The following ADAM9 variants were observed in gnomAD, a reference collection of about 807,000 sequenced individuals.
ADAM9 encodes ADAM metallopeptidase domain 9.
A neutral mutation model predicts 108.1 loss-of-function variants in ADAM9; 54 were observed. The observed-to-expected ratio is 0.50, with a 90% confidence interval of 0.40 to 0.63. The LOEUF is 0.63. ADAM9 is among the 20% of genes least tolerant of loss of function. ADAM9 has a pLI of 0.00. For missense variants in ADAM9, 830 were observed against 997.7 expected (o/e 0.83, Z 2.26); for synonymous variants, 316 against 336.0 (o/e 0.94, Z 0.65).
intron 4 of ADAM9, chr8:39,014,786 C>T (rs906035773): frequency 3.1e-5 from 14 of 451,924 alleles, no homozygotes; most frequent in Non-Finnish European, 5.1e-5. Context: ...GTTGGTAGCG[C>T]ACTTTTGCAG....
At chr8:39,089,905 G>C (rs369860300) in intron 18 of ADAM9, 142 bp from the exon 19 acceptor site, 2 of 917,164 alleles carry the variant, frequency 2.2e-6, no homozygotes, top group Non-Finnish European at 3.5e-6. Flanking sequence ...AATGAACTTT[G>C]TGGAAGACTT....
intron 16 of ADAM9, 130 bp downstream of exon 16, chr8:39,077,541 A>G (rs1838885984): frequency 1.1e-6 from 1 of 883,644 alleles, no homozygotes; most frequent in East Asian, 2.8e-5. Context: ...TAGAAAATAC[A>G]AAGCCACCAA....
At chr8:39,089,915 T>TC in intron 18 of ADAM9, 132 bp from the exon 19 acceptor site, 1 of 1,014,438 alleles carries the variant, frequency 9.9e-7, no homozygotes, top group Non-Finnish European at 1.5e-6. Flanking sequence ...GTGGAAGACT[T>TC]CTCAATATAT....
At chr8:39,043,212 TA>T (rs1247368141) in intron 12 of ADAM9, among the ~76,000 whole-genome samples, 1 of 152,242 alleles carries the variant, frequency 6.6e-6, no homozygotes, top group African/African-American at 2.4e-5. Flanking sequence ...ACATCTTGGC[TA>T]CTGTGAATAA....
intron 10 of ADAM9, 126 bp downstream of exon 10, chr8:39,026,010 A>G (rs1461576977): frequency 2.2e-6 from 2 of 921,318 alleles, no homozygotes; most frequent in Non-Finnish European, 3.5e-6. Context: ...ACACAGTAGA[A>G]GTCGCAGATG....
intron 7 of ADAM9, 129 bp downstream of exon 7, chr8:39,019,047 G>T: frequency 1.0e-6 from 1 of 974,558 alleles, no homozygotes; most frequent in Non-Finnish European, 1.6e-6. Context: ...AAACTAAAAT[G>T]GTTTTTTTCC....
intron 16 of ADAM9, among the ~76,000 whole-genome samples, chr8:39,078,050 C>A (rs934090880): frequency 6.6e-6 from 1 of 151,990 alleles, no homozygotes; most frequent in East Asian, 1.9e-4. Context: ...GTTGAAGAAA[C>A]CAACTCAGAG....
chr8:39,050,446 A>G (rs1020327573), intron 12 of ADAM9, among the ~76,000 whole-genome samples: 1 of 125,848 alleles, frequency 7.9e-6, no homozygotes, highest in Non-Finnish European at 1.6e-5. Flanking sequence ...TTCTTCACTT[A>G]TATTTCTTTT....
chr8:39,026,772 C>T lies in ADAM9; in HGVS notation c.1092C>T (p.Ser364=). 6.2e-7 allele frequency: 1 copy of T among 1,614,118 alleles called. No homozygotes were observed. The highest frequency in any genetic ancestry group is 1.3e-5 in the African/African-American group (1 of 75,028). Residue 364 remains serine, a synonymous_variant, in exon 11 of 22, where the codon TCC becomes TCT. Transcript: ENST00000487273. ...GMNHDDGRDC[S]CGAKSCIMNS... ...ATCACGATGATGGGAGAGATTGTTC[C>T]TGTGGAGCAAAGAGCTGCATCATGA...
intron 1 of ADAM9, among the ~76,000 whole-genome samples, chr8:39,001,966 C>A (rs1455051188): frequency 1.3e-5 from 2 of 150,062 alleles, no homozygotes; most frequent in Admixed American, 1.3e-4. Flanking sequence ...CCACGCCCAG[C>A]CCAAAGGTAG....
Position 39,048,009 on chromosome 8 carries a change from C to T in ADAM9, c.1302+5892C>T, listed in dbSNP as rs536650389. On this transcript the variant is annotated intron_variant, in intron 12 of 21. Transcript: ENST00000487273. Reference sequence around the variant, plus strand: ...AATCTTGGCTCATTGCAACCTCCACCTCCTGGTTTCTAGTGATTCTTGTGC... The same window carrying T: ...AATCTTGGCTCATTGCAACCTCCACTTCCTGGTTTCTAGTGATTCTTGTGC... 1.2e-3 allele frequency among the ~76,000 whole-genome samples: 179 copies of T among 151,948 alleles called. 1 individual carries two copies. Among genetic ancestry groups the T allele is most frequent in the African/African-American group, 3.9e-3 (162 of 41,400 alleles).
intron 15 of ADAM9, among the ~76,000 whole-genome samples, 183 bp downstream of exon 15, chr8:39,071,586 C>T (rs1462334422): frequency 1.3e-5 from 2 of 151,866 alleles, no homozygotes; most frequent in African/African-American, 4.8e-5. Flanking sequence ...CCTGCCTCAG[C>T]CTCCTGAGTA....
chr8:39,049,675 G>C (rs1837891591), intron 12 of ADAM9, among the ~76,000 whole-genome samples: 1 of 152,242 alleles, frequency 6.6e-6, no homozygotes, highest in East Asian at 1.9e-4. Flanking sequence ...CTGACCTCAA[G>C]TGATCTGCCT....
intron 1 of ADAM9, among the ~76,000 whole-genome samples, chr8:38,998,928 C>G (rs188467118): frequency 1.1e-4 from 17 of 152,212 alleles, no homozygotes; most frequent in Middle Eastern, 6.8e-3. Flanking sequence ...GACTTCACCC[C>G]GTAGGAAGTT....
At chr8:39,044,665 C>T (rs944834949) in intron 12 of ADAM9, among the ~76,000 whole-genome samples, 1 of 151,982 alleles carries the variant, frequency 6.6e-6, no homozygotes, top group African/African-American at 2.4e-5. Context: ...GTGTCCATCA[C>T]CTCCATCTTT....
intron 20 of ADAM9, among the ~76,000 whole-genome samples, chr8:39,097,927 G>A (rs1222381981): frequency 1.3e-5 from 2 of 152,232 alleles, no homozygotes; most frequent in Non-Finnish European, 2.9e-5. Flanking sequence ...CACATGTGAA[G>A]TGCTCTGTGA....
intron 20 of ADAM9, among the ~76,000 whole-genome samples, chr8:39,094,044 T>C (rs1033209122): frequency 1.3e-5 from 2 of 152,234 alleles, no homozygotes; most frequent in African/African-American, 4.8e-5. Flanking sequence ...AGTGCTGGGA[T>C]TACAGGCGTG....
At chr8:39,025,621 G>A (rs943362629) in intron 9 of ADAM9, among the ~76,000 whole-genome samples, 182 bp from the exon 10 acceptor site, 4 of 151,068 alleles carry the variant, frequency 2.6e-5, no homozygotes, top group African/African-American at 9.7e-5. Flanking sequence ...TCATTTGTCT[G>A]AAAAAATTAA....
intron 14 of ADAM9, among the ~76,000 whole-genome samples, chr8:39,067,695 G>A (rs1283218834): frequency 5.3e-5 from 8 of 151,460 alleles, no homozygotes; most frequent in African/African-American, 1.5e-4. Flanking sequence ...TGCAAACAGG[G>A]ACAATTTGAC....
Sources: allele counts gnomAD v4.1 joint callset (sites outside exome capture counted in the v4.1 genomes callset), GRCh38; gene constraint gnomAD v4.1.1; transcripts MANE v1.5; gene names NCBI Gene and HGNC (gene_info 2026-07-23, HGNC 2026-07-21).